The following RTN4 variants were observed in gnomAD, a reference collection of about 807,000 sequenced individuals.
RTN4 encodes the protein reticulon 4, also known as reticulon-4.
Under a neutral mutation model 90.4 loss-of-function variants are expected in RTN4, and 32 were observed. The observed-to-expected ratio is 0.35, with a 90% CI of 0.27 to 0.48. RTN4 has a LOEUF of 0.48. Among genes scored for constraint, RTN4 ranks in the 20% least tolerant of loss-of-function variants. RTN4 has a pLI of 0.99. For missense variants in RTN4, 1,706 were observed against 1,430.2 expected (o/e 1.19, Z -3.11); for synonymous variants, 629 against 552.5 (o/e 1.14, Z -1.94).
At chr2:55,025,023 G>C (rs1295267368) in intron 3 of RTN4, 63 bp downstream of exon 3, 2 of 1,516,616 alleles carry the variant, frequency 1.3e-6, no homozygotes, top group South Asian at 1.3e-5. Flanking sequence ...ACAAAATGTA[G>C]TGGAATGTTC....
chr2:55,078,155 C>A (rs983954942), intron 2 of RTN4, among the ~76,000 whole-genome samples: 2 of 151,930 alleles, frequency 1.3e-5, no homozygotes, highest in African/African-American at 2.4e-5. Flanking sequence ...CAAACACAAC[C>A]TTTTCCCAAA....
chr2:55,096,336 A>G (rs1173802680), intron 1 of RTN4, among the ~76,000 whole-genome samples: 3 of 152,046 alleles, frequency 2.0e-5, no homozygotes, highest in Non-Finnish European at 4.4e-5. Flanking sequence ...CAAAAAAAAA[A>G]AAAGAGTGCA....
In RTN4 at chr2:55,064,031, G is replaced by T. The variant is rs1668348394; in HGVS notation, c.-63+16458C>A. On this transcript the variant is annotated intron_variant, in intron 2 of 3. Coordinates refer to the RTN4 transcript ENST00000427710. ...AGGCCAGGATTTCAAGACAAACCTG[G>T]GCAACAAAGTGAGACCCTCTCTCCT... Among the ~76,000 whole-genome samples, 6 of 151,802 alleles carry T rather than the reference G, an allele frequency of 4.0e-5. No homozygotes were observed. The South Asian group carries it at 1.2e-3, about 31-fold the overall frequency.
chr2:55,056,910 A>G (rs1668199992), intron 2 of RTN4, among the ~76,000 whole-genome samples: 1 of 152,216 alleles, frequency 6.6e-6, no homozygotes, highest in South Asian at 2.1e-4. Context: ...ATCAGAGGTT[A>G]TGCAATAAGA....
rs1681931688 is a variant in RTN4, at chr2:55,026,881, C to G, written c.1218G>C (p.Leu406Phe). The change falls in exon 3 of 9, where the codon TTG becomes TTC. Residue 406 changes from leucine to phenylalanine, a missense_variant. Coordinates refer to ENST00000337526, the MANE Select transcript of RTN4 (RefSeq NM_020532.5). Reference protein sequence around the residue: ...VKDSKEDSDMLAAGGKIESNL... With the variant: ...VKDSKEDSDMFAAGGKIESNL... ...TGCTCTCGATTTTACCTCCAGCAGC[C>G]AACATATCACTATCTTCCTTACTAT... 4 of 1,613,848 alleles carry G rather than the reference C, an allele frequency of 2.5e-6. No homozygotes were observed. In the South Asian group the frequency reaches 4.4e-5, roughly 18 times the overall value.
intron 8 of RTN4, 22 bp downstream of exon 8, chr2:54,973,541 A>G: frequency 6.4e-7 from 1 of 1,556,392 alleles, no homozygotes; most frequent in Non-Finnish European, 8.9e-7. Flanking sequence ...TAGTAAAAAC[A>G]CTGCAGATTT....
At chr2:55,009,973 A>G in intron 3 of RTN4, 1 of 1,191,580 alleles carries the variant, frequency 8.4e-7, no homozygotes, top group South Asian at 1.4e-5. Flanking sequence ...TTAGACTTCA[A>G]CTCTTCAGAG....
intron 2 of RTN4, among the ~76,000 whole-genome samples, chr2:55,077,012 CT>C (rs35498029): frequency 0.011 from 1,522 of 137,484 alleles, 10 homozygotes; most frequent in Middle Eastern, 0.061. Context: ...TCAGGCAGTT[CT>C]TTTTTTTTTT....
At chr2:54,999,014 A>G (rs1373001401) in intron 3 of RTN4, among the ~76,000 whole-genome samples, 1 of 152,170 alleles carries the variant, frequency 6.6e-6, no homozygotes, top group Non-Finnish European at 1.5e-5. Flanking sequence ...AAGATCTGAG[A>G]TGAATTTAGC....
intron 3 of RTN4, among the ~76,000 whole-genome samples, chr2:55,023,280 C>T (rs1222328979): frequency 6.6e-6 from 1 of 152,076 alleles, no homozygotes; most frequent in Non-Finnish European, 1.5e-5. Context: ...GAAAAGTCAC[C>T]CTACCATTTA....
intron 2 of RTN4, among the ~76,000 whole-genome samples, chr2:55,071,448 C>T (rs1430516842): frequency 1.4e-5 from 2 of 147,342 alleles, no homozygotes; most frequent in African/African-American, 5.0e-5. Flanking sequence ...AAACTGGAAA[C>T]ACATTAACAA....
intron 4 of RTN4, among the ~76,000 whole-genome samples, chr2:54,984,496 G>A (rs941796184): frequency 2.6e-5 from 4 of 152,188 alleles, no homozygotes; most frequent in African/African-American, 9.7e-5. Flanking sequence ...ATATAACCCT[G>A]GTTGGTATTC....
the RTN4 span, among the ~76,000 whole-genome samples, chr2:55,124,026 G>A: frequency 1.3e-5 from 2 of 152,138 alleles, no homozygotes; most frequent in Non-Finnish European, 2.9e-5. Flanking sequence ...CCACAGCTGA[G>A]CAAAGGCAAA....
the RTN4 span, among the ~76,000 whole-genome samples, chr2:55,120,955 G>T: frequency 6.6e-6 from 1 of 152,120 alleles, no homozygotes; most frequent in Non-Finnish European, 1.5e-5. Flanking sequence ...TGACCAATAA[G>T]GAAACCCTGG....
At chr2:55,111,374 G>A (rs1256208011) in intron 1 of RTN4, among the ~76,000 whole-genome samples, 1 of 152,132 alleles carries the variant, frequency 6.6e-6, no homozygotes, top group Non-Finnish European at 1.5e-5. Context: ...CAGAAACAAC[G>A]AAATATCCAT....
At chr2:55,129,095 G>A in the RTN4 span, among the ~76,000 whole-genome samples, 41,039 of 137,368 alleles carry the variant, frequency 0.3, 6,659 homozygotes, top group East Asian at 0.59. Context: ...GTGTGACAGA[G>A]CAAGACTCCG....
At chr2:55,120,305 T>C in the RTN4 span, among the ~76,000 whole-genome samples, 3,422 of 152,296 alleles carry the variant, frequency 0.022, 133 homozygotes, top group Admixed American at 0.1. Flanking sequence ...CCCAGCAGGT[T>C]TCCCCCTATC....
intron 5 of RTN4, among the ~76,000 whole-genome samples, chr2:54,980,673 T>C (rs531047326): frequency 4.6e-5 from 7 of 152,310 alleles, no homozygotes; most frequent in African/African-American, 1.7e-4. Flanking sequence ...AGGCTTTTCT[T>C]TGAAGTCACC....
At chr2:55,127,055 G>T in the RTN4 span, among the ~76,000 whole-genome samples, 1 of 152,034 alleles carries the variant, frequency 6.6e-6, no homozygotes, top group Non-Finnish European at 1.5e-5. Flanking sequence ...GATAACTATT[G>T]GGTACTGGGC....
Sources: allele counts gnomAD v4.1 joint callset (sites outside exome capture counted in the v4.1 genomes callset), GRCh38; gene constraint gnomAD v4.1.1; transcripts MANE v1.5; gene names NCBI Gene and HGNC (gene_info 2026-07-23, HGNC 2026-07-21).